GRK3: variants seen among roughly 807,000 people sequenced by gnomAD.
GRK3 encodes the protein adrenergic, beta, receptor kinase 2.
In GRK3, 54 loss-of-function variants were observed where a neutral mutation model predicts 95.7. That is an observed-to-expected ratio of 0.56 (90% CI 0.45 to 0.71). The LOEUF (loss-of-function observed/expected upper bound fraction) is 0.71. Among genes scored for constraint, GRK3 ranks in the 30% least tolerant of loss-of-function variants. The pLI is 0.00. For missense variants in GRK3, 649 were observed against 851.2 expected (o/e 0.76, Z 2.96); for synonymous variants, 281 against 290.8 (o/e 0.97, Z 0.34).
intron 1 of GRK3, among the ~76,000 whole-genome samples, chr22:25,598,497 C>T (rs1393372653): frequency 6.6e-6 from 1 of 151,810 alleles, no homozygotes; most frequent in Non-Finnish European, 1.5e-5. Flanking sequence ...CATGGTGAGA[C>T]CCTGTCTCTA....
At chr22:25,692,187 C>T (rs1376697082) in intron 12 of GRK3, among the ~76,000 whole-genome samples, 4 of 152,152 alleles carry the variant, frequency 2.6e-5, no homozygotes, top group Non-Finnish European at 5.9e-5. Context: ...AATCTGGTCT[C>T]TAACTCCCGG....
chr22:25,617,604 C>T (rs941636380), intron 2 of GRK3, among the ~76,000 whole-genome samples: 1 of 152,196 alleles, frequency 6.6e-6, no homozygotes, highest in Non-Finnish European at 1.5e-5. Context: ...GGGTTCAACC[C>T]ACCCCAGCCC....
At chr22:25,660,235 G>A (rs2084901116) in intron 3 of GRK3, among the ~76,000 whole-genome samples, 1 of 152,134 alleles carries the variant, frequency 6.6e-6, no homozygotes, top group Admixed American at 6.5e-5. Flanking sequence ...ATTCACATCT[G>A]GTATGGTGCT....
rs12168394 is a variant in GRK3, at chr22:25,578,821, A to G, written c.113+13668A>G. Among the ~76,000 whole-genome samples, 1,010 of 152,226 alleles carry G rather than the reference A, an allele frequency of 6.6e-3. 13 individuals carry two copies. Among genetic ancestry groups the G allele is most frequent in the African/African-American group, 0.022 (934 of 41,528 alleles). On this transcript the variant is annotated intron_variant, in intron 1 of 20. Coordinates refer to ENST00000324198, the MANE Select transcript of GRK3 (RefSeq NM_005160.4). Reference sequence around the variant, plus strand: ...GACCGACCTCAGCCCAGGGAGGCCCATTTCAGACCTCTGACCTGCAGATCT... The same window carrying G: ...GACCGACCTCAGCCCAGGGAGGCCCGTTTCAGACCTCTGACCTGCAGATCT...
chr22:25,565,234 G>A (rs1042721720), intron 1 of GRK3, 81 bp downstream of exon 1: 2 of 651,704 alleles, frequency 3.1e-6, no homozygotes, highest in African/African-American at 2.0e-5. Flanking sequence ...CTGGAGGGTC[G>A]GGCGCTGAGC....
intron 1 of GRK3, among the ~76,000 whole-genome samples, chr22:25,568,908 C>T (rs1318247377): frequency 6.6e-6 from 1 of 152,230 alleles, no homozygotes; most frequent in Non-Finnish European, 1.5e-5. Flanking sequence ...GAAGAACTAT[C>T]TAAACATAGT....
intron 2 of GRK3, among the ~76,000 whole-genome samples, chr22:25,620,468 A>G (rs1322528575): frequency 6.6e-6 from 1 of 152,196 alleles, no homozygotes; most frequent in Non-Finnish European, 1.5e-5. Flanking sequence ...GCATTTGCAT[A>G]TCAAAGGTTG....
chr22:25,676,911 ACTGGCT>A (rs980331135), intron 8 of GRK3, among the ~76,000 whole-genome samples: 2 of 152,184 alleles, frequency 1.3e-5, no homozygotes, highest in Non-Finnish European at 2.9e-5. Flanking sequence ...TTGCATGCAC[ACTGGCT>A]CTGCGAGCCC....
At chr22:25,570,042 G>A (rs185847686) in intron 1 of GRK3, among the ~76,000 whole-genome samples, 71 of 152,272 alleles carry the variant, frequency 4.7e-4, no homozygotes, top group South Asian at 8.3e-4. Context: ...AAACTCCCTC[G>A]CGTCTTATTT....
At chr22:25,602,759 A>G (rs1277790885) in intron 1 of GRK3, among the ~76,000 whole-genome samples, 1 of 152,180 alleles carries the variant, frequency 6.6e-6, no homozygotes, top group Non-Finnish European at 1.5e-5. Context: ...TGGAGCATGA[A>G]TCTATGTTAT....
At chr22:25,705,737 A>G (rs1198363348) in intron 15 of GRK3, among the ~76,000 whole-genome samples, 1 of 152,210 alleles carries the variant, frequency 6.6e-6, no homozygotes, top group African/African-American at 2.4e-5. Flanking sequence ...GCTGATTGGC[A>G]TCATCTCACC....
chr22:25,689,153 AGTTTTCCT>A (rs1300952336), intron 11 of GRK3, among the ~76,000 whole-genome samples: 5 of 150,726 alleles, frequency 3.3e-5, no homozygotes, highest in African/African-American at 1.2e-4. Flanking sequence ...TTATTCTCTT[AGTTTTCCT>A]ATAAGCATAA....
intron 1 of GRK3, 49 bp from the exon 2 acceptor site, chr22:25,604,328 C>G (rs1199820311): frequency 1.5e-6 from 2 of 1,371,196 alleles, no homozygotes. Flanking sequence ...GGGATGGTTA[C>G]TCACGATGTA....
chr22:25,663,534 T>C, intron 4 of GRK3, 96 bp from the exon 5 acceptor site: 1 of 708,394 alleles, frequency 1.4e-6, no homozygotes. Flanking sequence ...TACTGTTTAG[T>C]AATTGCTGTG....
chr22:25,590,100 G>A (rs532697863), intron 1 of GRK3, among the ~76,000 whole-genome samples: 2 of 151,630 alleles, frequency 1.3e-5, no homozygotes, highest in East Asian at 1.9e-4. Flanking sequence ...AGCTAATTTT[G>A]TTTTATCTAT....
intron 2 of GRK3, 129 bp downstream of exon 2, chr22:25,604,582 T>C: frequency 2.0e-6 from 1 of 507,706 alleles, no homozygotes; most frequent in East Asian, 3.3e-5. Flanking sequence ...TAAAGGAAAT[T>C]TCATGTAATT....
intron 2 of GRK3, among the ~76,000 whole-genome samples, chr22:25,615,954 G>C (rs2103590): frequency 6.8e-6 from 1 of 147,054 alleles, no homozygotes; most frequent in African/African-American, 2.7e-5. Flanking sequence ...AGACCCTAAG[G>C]CTGGAACCTC....
At chr22:25,640,104 G>A (rs1260891324) in intron 2 of GRK3, among the ~76,000 whole-genome samples, 1 of 152,098 alleles carries the variant, frequency 6.6e-6, no homozygotes, top group Non-Finnish European at 1.5e-5. Context: ...AATAGAATCA[G>A]TTTTAGTTCT....
chr22:25,621,315 T>C (rs1390692189), intron 2 of GRK3, among the ~76,000 whole-genome samples: 2 of 152,270 alleles, frequency 1.3e-5, no homozygotes, highest in African/African-American at 2.4e-5. Context: ...AAGAAACCTC[T>C]GGGTTATGGG....
Sources: allele counts gnomAD v4.1 joint callset (sites outside exome capture counted in the v4.1 genomes callset), GRCh38; gene constraint gnomAD v4.1.1; transcripts MANE v1.5; gene names NCBI Gene and HGNC (gene_info 2026-07-23, HGNC 2026-07-21).